VEGFA: variants seen among roughly 807,000 people sequenced by gnomAD.
VEGFA encodes the protein vascular endothelial growth factor A, also known as vascular endothelial growth factor A, long form.
In VEGFA, 20 loss-of-function variants were observed where a neutral mutation model predicts 49.7. The ratio of observed to expected loss-of-function variants is 0.40; its 90% CI spans 0.28 to 0.58. VEGFA has a LOEUF of 0.58. VEGFA is among the 20% of genes least tolerant of loss of function. The pLI, the probability that VEGFA is intolerant of heterozygous loss-of-function variation, is 0.40. For missense variants in VEGFA, 505 were observed against 553.5 expected, an observed-to-expected ratio of 0.91 and a Z score of 0.88; for synonymous variants, 219 against 223.4, an observed-to-expected ratio of 0.98 and a Z score of 0.18.
chr6:43,784,729 T>G lies in VEGFA; in HGVS notation c.*167T>G. 5 of 1,338,616 alleles carry G rather than the reference T, an allele frequency of 3.7e-6. No homozygotes were observed. In the South Asian group the frequency reaches 4.8e-5, roughly 13 times the overall value. 82.9% of individuals were successfully genotyped at this position (1,338,616 alleles called of 1,614,324 possible). On this transcript the variant is annotated 3_prime_UTR_variant, in exon 8 of 8. Coordinates refer to ENST00000672860, the MANE Select transcript of VEGFA (RefSeq NM_003376.6). Reference sequence around the variant, plus strand: ...AACCTGAAATGAAGGAAGAGGAGACTCTGCGCAGAGCACTTTGGGTCCGGA... The same window carrying G: ...AACCTGAAATGAAGGAAGAGGAGACGCTGCGCAGAGCACTTTGGGTCCGGA...
At chr6:43,771,908 C>T (rs935028384) in intron 1 of VEGFA, 8 of 576,038 alleles carry the variant, frequency 1.4e-5, no homozygotes, top group African/African-American at 2.0e-5. Flanking sequence ...CAACCCCGCC[C>T]GTCCCCGCTC....
rs1404175496 is a variant in VEGFA at position 43,784,645 on chromosome 6, C to A, written c.*83C>A. ...AAAGACTGATACAGAACGATCGATA[C>A]AGAAACCACGCTGCCGCCACCACAC... On this transcript the variant is annotated 3_prime_UTR_variant, in exon 8 of 8. Transcript: ENST00000672860. 4.2e-5 allele frequency: 67 copies of A among 1,611,278 alleles called. No homozygotes were observed. Among genetic ancestry groups the A allele is most frequent in the Non-Finnish European group, 5.6e-5 (66 of 1,177,508 alleles).
At chr6:43,780,641 G>T in intron 5 of VEGFA, 91 bp from the exon 6 acceptor site, 3 of 1,558,914 alleles carry the variant, frequency 1.9e-6, no homozygotes, top group Non-Finnish European at 2.6e-6. Flanking sequence ...GCTTTGCTTT[G>T]GTCGTTCCCC....
At position 43,773,989 on chromosome 6, in the gene VEGFA, G is replaced by A. The variant is rs116456250; in HGVS notation, c.607-352G>A. On this transcript the variant is annotated intron_variant, in intron 1 of 7. Coordinates refer to ENST00000672860, the MANE Select transcript of VEGFA (RefSeq NM_003376.6). This position sits in a 1 kb window ranked among gnomAD's most constrained non-coding sequence, Gnocchi z 5.6. The stretch of plus-strand genomic sequence containing the variant: ...GACCTTAATACTTACCATGGCTTTG[G>A]ACCAGGGAACTAGGGGGATAGTGAG... 1.7e-3 allele frequency: 655 copies of A among 384,148 alleles called. 4 individuals are homozygous for A. Among genetic ancestry groups the A allele is most frequent in the African/African-American group, 0.012 (605 of 49,312 alleles). 23.8% of individuals were successfully genotyped at this position (384,148 alleles called of 1,614,324 possible). A position where few individuals can be genotyped will look rare whatever the true frequency, so the allele number is the denominator to read the frequency against.
rs1764148746 is a variant in VEGFA at position 43,773,083 on chromosome 6, CAGGGGGTCCCTGCAG to C, written c.607-1257_607-1243del. ...GGTGAGGGGGCTGAGGTGCAGAATC[CAGGGGGTCCCTGCAG>C]GAGCCGCAGTGGTAAGCTGTCCAGC... On this transcript the variant is annotated intron_variant, in intron 1 of 7. Transcript: ENST00000672860. The surrounding 1 kb of genome is among the most constrained non-coding windows in gnomAD (Gnocchi z 5.6). 6.5e-6 allele frequency: 1 copy of C among 153,022 alleles called. No homozygotes were observed. The highest frequency in any genetic ancestry group is 1.5e-5 in the Non-Finnish European group (1 of 68,490). The allele number at this position is 153,022 out of a possible 1,614,324, so 9.5% of individuals were successfully genotyped here. A position where few individuals can be genotyped will look rare whatever the true frequency, so the allele number is the denominator to read the frequency against.
rs917813568 is a variant in VEGFA at position 43,784,607 on chromosome 6, A to T, written c.*45A>T. 6 of 1,614,102 alleles carry T rather than the reference A, an allele frequency of 3.7e-6. No individual in the cohort carries two copies. The highest frequency in any genetic ancestry group is 5.1e-6 in the Non-Finnish European group (6 of 1,180,036). On this transcript the variant is annotated 3_prime_UTR_variant, in exon 8 of 8. Coordinates refer to ENST00000672860, the MANE Select transcript of VEGFA (RefSeq NM_003376.6). ...CCTCCCTCAGGGTTTCGGGAACCAG[A>T]TCTCTCACCAGGAAAGACTGATACA...
chr6:43,778,496 G>C lies in VEGFA; in HGVS notation c.892G>C (p.Gly298Arg). ...CAAACCTCACCAAGGCCAGCACATAGGAGAGATGAGCTTCCTACAGCACAA... is the reference window on the plus strand; with the variant it reads ...CAAACCTCACCAAGGCCAGCACATACGAGAGATGAGCTTCCTACAGCACAA... Residue 298 changes from glycine to arginine, a missense_variant, in exon 4 of 8, where the codon GGA (glycine) becomes CGA (arginine). This residue lies in a region of VEGFA where 165 missense variants were observed against 231.7 expected (regional missense o/e 0.71). Coordinates refer to ENST00000672860, the MANE Select transcript of VEGFA (RefSeq NM_003376.6). 1 of 1,614,208 alleles carries C rather than the reference G, an allele frequency of 6.2e-7. No individual in the cohort carries two copies. The highest frequency in any genetic ancestry group is 8.5e-7 in the Non-Finnish European group (1 of 1,180,042).
intron 2 of VEGFA, chr6:43,774,769 T>C: frequency 2.7e-6 from 1 of 366,362 alleles, no homozygotes; most frequent in African/African-American, 2.1e-5. Context: ...TATATAGACA[T>C]GTCCCATTTG....
intron 5 of VEGFA, chr6:43,779,542 G>A (rs949286291): frequency 1.0e-5 from 4 of 384,666 alleles, no homozygotes; most frequent in South Asian, 8.0e-5. Context: ...GACAGGGTGG[G>A]CGGCTGGCAT....
chr6:43,782,427 A>G (rs1414588567), intron 7 of VEGFA: 2 of 369,614 alleles, frequency 5.4e-6, no homozygotes, highest in Admixed American at 7.6e-5. Context: ...TCCTGATGTT[A>G]TTACTACCTC....
chr6:43,777,710 G>A lies in VEGFA; in HGVS notation c.855+45G>A, dbSNP rs774084096. On this transcript the variant is annotated intron_variant, in intron 3 of 7. Transcript: ENST00000672860. The surrounding 1 kb of genome is among the most constrained non-coding windows in gnomAD (Gnocchi z 4.3). ...GGGGCAAGGGGGGGATAGGGAGGGG[G>A]GTAACACTTTGGGAACAGGTGGTCC... 5.1e-5 allele frequency: 34 copies of A among 672,244 alleles called. 2 individuals carry two copies. Among genetic ancestry groups the A allele is most frequent in the Middle Eastern group, 2.8e-4 (1 of 3,550 alleles). The allele number at this position is 672,244 out of a possible 1,614,324, so 41.6% of individuals were successfully genotyped here.
chr6:43,771,481 G>C (rs1763536416), intron 1 of VEGFA, among the ~76,000 whole-genome samples, 169 bp downstream of exon 1: 1 of 151,890 alleles, frequency 6.6e-6, no homozygotes, highest in Non-Finnish European at 1.5e-5. Flanking sequence ...GGGGGCGCGC[G>C]CGCTAGGTGG....
Position 43,777,202 on chromosome 6 carries a change from G to T in VEGFA, c.659-267G>T. ...GATTCAGTTCAGCTGTCACAGTGAG[G>T]TGGCGGGATCAGATGTGGCAGGCCA... On this transcript the variant is annotated intron_variant, in intron 2 of 7. Transcript: ENST00000672860. The surrounding 1 kb of genome is among the most constrained non-coding windows in gnomAD (Gnocchi z 4.3). The T allele has an allele frequency of 1.9e-6, 1 of 535,656 alleles. No homozygotes were observed. Among genetic ancestry groups the T allele is most frequent in the Non-Finnish European group, 3.5e-6 (1 of 289,042 alleles). The allele number at this position is 535,656 out of a possible 1,614,324, so 33.2% of individuals were successfully genotyped here.
intron 7 of VEGFA, 91 bp from the exon 8 acceptor site, chr6:43,784,450 A>C: frequency 7.8e-7 from 1 of 1,287,218 alleles, no homozygotes; most frequent in Non-Finnish European, 1.1e-6. Flanking sequence ...GCAGTGACCC[A>C]GGGGCCCCCA....
intron 5 of VEGFA, chr6:43,780,493 C>A: frequency 1.8e-6 from 1 of 566,000 alleles, no homozygotes; most frequent in Non-Finnish European, 3.1e-6. Flanking sequence ...GCTGGGTTTG[C>A]CATCCCATGG....
chr6:43,771,925 C>A, intron 1 of VEGFA: 1 of 760,126 alleles, frequency 1.3e-6, no homozygotes, highest in Non-Finnish European at 1.6e-6. Flanking sequence ...GCTCGCGTCC[C>A]GCTCGGTGCC....
In VEGFA at chr6:43,782,071, A is replaced by G; in HGVS notation, c.1150A>G (p.Asn384Asp). Residue 384 changes from asparagine to aspartate, a missense_variant, in exon 7 of 8, where the codon AAC becomes GAC. Around this residue, in one of 2 missense-constraint regions of VEGFA, gnomAD observed 165 missense variants for 231.7 expected, o/e 0.71. Coordinates refer to ENST00000672860, the MANE Select transcript of VEGFA (RefSeq NM_003376.6). ...TTGCAAGGCGAGGCAGCTTGAGTTAAACGAACGTACTTGCAGGTTGGTTCC... is the reference window on the plus strand; with the variant it reads ...TTGCAAGGCGAGGCAGCTTGAGTTAGACGAACGTACTTGCAGGTTGGTTCC... 1 of 1,613,960 alleles carries G rather than the reference A, an allele frequency of 6.2e-7. No homozygotes were observed.
intron 1 of VEGFA, chr6:43,774,001 A>AGG (rs886812402): frequency 2.4e-6 from 1 of 420,556 alleles, no homozygotes; most frequent in African/African-American, 2.0e-5. Context: ...CCAGGGAACT[A>AGG]GGGGGATAGT....
intron 1 of VEGFA, chr6:43,771,999 C>A: frequency 1.0e-6 from 1 of 985,282 alleles, no homozygotes; most frequent in African/African-American, 1.7e-5. Context: ...CGGGCCTGGC[C>A]GGCCGCGTGT....
Sources: gnomAD v4.1 joint callset for allele counts (sites outside exome capture counted in the v4.1 genomes callset) on GRCh38, gnomAD v4.1.1 for gene constraint, gnomAD v4.1.1 regional missense constraint, Gnocchi (gnomAD v3.1) non-coding constraint, MANE v1.5 for transcripts, NCBI Gene and HGNC (gene_info 2026-07-23, HGNC 2026-07-21) for gene names.